COL25A1: variants seen among roughly 807,000 people sequenced by gnomAD.
The protein encoded by COL25A1 is collagen alpha-1(XXV) chain.
Under a neutral mutation model 128.4 loss-of-function variants are expected in COL25A1, and 103 were observed. The observed-to-expected ratio is 0.80, with a 90% CI of 0.68 to 0.94. The LOEUF (loss-of-function observed/expected upper bound fraction) is 0.94, where lower values mean the gene tolerates loss of function less well. COL25A1 is among the 40% of genes least tolerant of loss of function. The probability of loss-of-function intolerance (pLI) is 0.00; values close to 1 mark genes in which losing one functional copy is unlikely to be tolerated. For synonymous variants in COL25A1, 279 were observed against 277.2 expected (o/e 1.01, Z -0.06); for missense variants, 745 against 840.0 (o/e 0.89, Z 1.40).
chr4:109,158,773 T>G (rs1378498052), intron 3 of COL25A1, among the ~76,000 whole-genome samples: 1 of 152,222 alleles, frequency 6.6e-6, no homozygotes, highest in African/African-American at 2.4e-5. Flanking sequence ...GTTTTAACAC[T>G]ATTTTTTAAA....
At chr4:109,163,305 T>A (rs1772757464) in intron 3 of COL25A1, among the ~76,000 whole-genome samples, 1 of 152,222 alleles carries the variant, frequency 6.6e-6, no homozygotes, top group Admixed American at 6.5e-5. Flanking sequence ...ATGTGTACAG[T>A]GTTACTAAGT....
chr4:109,028,717 T>C (rs1357623907), intron 5 of COL25A1, among the ~76,000 whole-genome samples: 3 of 150,220 alleles, frequency 2.0e-5, no homozygotes, highest in Admixed American at 6.6e-5. Context: ...AGAGCGGGAC[T>C]CCATCTCAAA....
intron 35 of COL25A1, among the ~76,000 whole-genome samples, chr4:108,823,420 A>G (rs1215035533): frequency 6.6e-6 from 1 of 152,074 alleles, no homozygotes; most frequent in African/African-American, 2.4e-5. Context: ...AAGGAGAGAA[A>G]AGAAACAGAG....
intron 6 of COL25A1, among the ~76,000 whole-genome samples, chr4:108,999,571 A>T (rs1755148659): frequency 6.6e-6 from 1 of 152,224 alleles, no homozygotes; most frequent in Non-Finnish European, 1.5e-5. Context: ...TTCCTCAAGG[A>T]TCTAGAACTA....
chr4:109,053,923 T>C (rs944147042), intron 3 of COL25A1, among the ~76,000 whole-genome samples: 9 of 152,292 alleles, frequency 5.9e-5, no homozygotes, highest in African/African-American at 2.2e-4. Context: ...GCTCACGCCC[T>C]GGGTGATTGT....
rs143262897 is a variant in COL25A1, at chr4:109,205,629, T to A, written c.367+94954A>T. On this transcript the variant is annotated intron_variant, in intron 3 of 37. Transcript: ENST00000399132. The stretch of plus-strand genomic sequence containing the variant: ...TGTCAAGCTTCCAGGCCACCCCTGA[T>A]CATTTACCCAGACTTACAAGAGGGG... Among the ~76,000 whole-genome samples the A allele has an allele frequency of 3.0e-3, 459 of 152,242 alleles. 1 individual carries two copies. Among genetic ancestry groups the A allele is most frequent in the African/African-American group, 0.01 (426 of 41,556 alleles).
intron 3 of COL25A1, among the ~76,000 whole-genome samples, chr4:109,259,556 T>C (rs1781295831): frequency 6.6e-6 from 1 of 152,112 alleles, no homozygotes; most frequent in Admixed American, 6.5e-5. Flanking sequence ...AAAGGCAAGG[T>C]TGATTAATTG....
intron 3 of COL25A1, among the ~76,000 whole-genome samples, chr4:109,289,174 T>C (rs1281893890): frequency 1.3e-5 from 2 of 152,116 alleles, no homozygotes; most frequent in Admixed American, 6.6e-5. Context: ...GTGTAAGTTG[T>C]AGATAATTAA....
chr4:109,275,620 G>A lies in COL25A1; in HGVS notation c.367+24963C>T, dbSNP rs1722759000. ...CTTCTGTCTTCACTTGGAAACAAGT[G>A]CTCTTTAATGCCAACAAGCATTCTC... is the stretch of plus-strand genomic sequence containing the variant. On this transcript the variant is annotated intron_variant, in intron 3 of 37. Transcript: ENST00000399132. 2.0e-5 allele frequency among the ~76,000 whole-genome samples: 3 copies of A among 152,342 alleles called. No homozygotes were observed. In the South Asian group the frequency reaches 6.2e-4, roughly 32 times the overall value.
chr4:108,998,612 C>G (rs1346843421), intron 6 of COL25A1, among the ~76,000 whole-genome samples: 1 of 152,270 alleles, frequency 6.6e-6, no homozygotes, highest in African/African-American at 2.4e-5. Flanking sequence ...CTGGAAAAAA[C>G]TACTTTAAAC....
chr4:109,289,002 CACAT>C lies in COL25A1; in HGVS notation c.367+11577_367+11580del, dbSNP rs1410685069. ...ACACACACACACACACACACACACA[CACAT>C]ATATATACAAAATTTTTTGCTTACC... On this transcript the variant is annotated intron_variant, in intron 3 of 37. Transcript: ENST00000399132. 1.6e-3 allele frequency among the ~76,000 whole-genome samples: 220 copies of C among 137,948 alleles called. 2 individuals are homozygous for C. Among genetic ancestry groups the C allele is most frequent in the African/African-American group, 6.4e-3 (207 of 32,426 alleles). The allele number at this position is 137,948 out of a possible 152,430, so 90.5% of individuals were successfully genotyped here.
intron 6 of COL25A1, among the ~76,000 whole-genome samples, chr4:108,974,844 A>G (rs1752272108): frequency 6.6e-6 from 1 of 152,190 alleles, no homozygotes; most frequent in South Asian, 2.1e-4. Context: ...CCAGTTAAAG[A>G]AATAGAACAT....
chr4:109,301,675 G>T (rs562212761), intron 2 of COL25A1, 48 bp downstream of exon 2: 1 of 1,576,542 alleles, frequency 6.3e-7, no homozygotes, highest in African/African-American at 1.3e-5. Context: ...ACAGAGTCAC[G>T]CTTGTACAAG....
chr4:109,212,970 A>T (rs1777693123), intron 3 of COL25A1, among the ~76,000 whole-genome samples: 1 of 152,184 alleles, frequency 6.6e-6, no homozygotes, highest in East Asian at 1.9e-4. Context: ...TTTGCTTTTC[A>T]TAAGTAATAA....
At chr4:109,215,084 A>G (rs1777881702) in intron 3 of COL25A1, among the ~76,000 whole-genome samples, 1 of 152,174 alleles carries the variant, frequency 6.6e-6, no homozygotes, top group Non-Finnish European at 1.5e-5. Flanking sequence ...TTCTAGTTCT[A>G]GAAGAGCTTT....
At chr4:109,080,212 G>A (rs1763721329) in intron 3 of COL25A1, among the ~76,000 whole-genome samples, 4 of 152,074 alleles carry the variant, frequency 2.6e-5, no homozygotes, top group Admixed American at 2.6e-4. Context: ...CCATTTTATA[G>A]ATAAGAAAAC....
intron 3 of COL25A1, among the ~76,000 whole-genome samples, chr4:109,065,545 C>CGCGCGCGCGCGCGT (rs771855567): frequency 1.9e-4 from 27 of 141,130 alleles, no homozygotes; most frequent in African/African-American, 6.9e-4. Flanking sequence ...CGCGCGCGCG[C>CGCGCGCGCGCGCGT]GTGTGTGTGT....
intron 13 of COL25A1, among the ~76,000 whole-genome samples, chr4:108,916,694 T>C (rs1744914052): frequency 6.6e-6 from 1 of 152,214 alleles, no homozygotes; most frequent in Admixed American, 6.5e-5. Flanking sequence ...GAATACACTT[T>C]TAAATTTTTG....
chr4:108,923,617 A>G (rs1431045406), intron 11 of COL25A1, among the ~76,000 whole-genome samples: 1 of 152,202 alleles, frequency 6.6e-6, no homozygotes, highest in Non-Finnish European at 1.5e-5. Context: ...AAGTGCTGGG[A>G]TTACAAGTGT....
Sources: gnomAD v4.1 joint callset for allele counts (sites outside exome capture counted in the v4.1 genomes callset) on GRCh38, gnomAD v4.1.1 for gene constraint, MANE v1.5 for transcripts, NCBI Gene and HGNC (gene_info 2026-07-23, HGNC 2026-07-21) for gene names.